ANO2: variants seen among roughly 807,000 people sequenced by gnomAD.
ANO2 encodes anoctamin 2.
In ANO2, 101 loss-of-function variants were observed where a neutral mutation model predicts 124.2. That is an observed-to-expected ratio of 0.81 (90% confidence interval 0.69 to 0.96). ANO2 has a LOEUF of 0.96. Ranked by LOEUF, ANO2 falls within the 40% of genes least tolerant of loss-of-function variation. The pLI, the probability that ANO2 is intolerant of heterozygous loss-of-function variation, is 0.00. For missense variants in ANO2, 1,293 were observed against 1,274.5 expected (o/e 1.01, Z -0.22); for synonymous variants, 486 against 482.5 (o/e 1.01, Z -0.09).
intron 4 of ANO2, among the ~76,000 whole-genome samples, chr12:5,836,005 T>G (rs1283003944): frequency 6.6e-6 from 1 of 152,204 alleles, no homozygotes; most frequent in African/African-American, 2.4e-5. Flanking sequence ...GTGCGGTAAT[T>G]AGTTTCAGAG....
chr12:5,728,531 T>C (rs907134502), intron 14 of ANO2, among the ~76,000 whole-genome samples: 3 of 152,194 alleles, frequency 2.0e-5, no homozygotes, highest in African/African-American at 7.2e-5. Flanking sequence ...ACCACATTCA[T>C]AGAAGACTTA....
At chr12:5,896,903 T>C (rs1023643675) in intron 3 of ANO2, among the ~76,000 whole-genome samples, 5 of 152,198 alleles carry the variant, frequency 3.3e-5, no homozygotes, top group African/African-American at 1.2e-4. Flanking sequence ...AGATAATCCA[T>C]AGTTTAAACT....
At chr12:5,732,843 C>G in intron 13 of ANO2, 1 of 1,613,838 alleles carries the variant, frequency 6.2e-7, no homozygotes, top group Non-Finnish European at 8.5e-7. Flanking sequence ...ACACAACACT[C>G]GTTATCACAC....
chr12:5,630,273 C>T (rs1002643859), intron 16 of ANO2, among the ~76,000 whole-genome samples: 13 of 152,202 alleles, frequency 8.5e-5, no homozygotes, highest in Admixed American at 2.0e-4. Flanking sequence ...GAATGGCAAA[C>T]GAAGTCTTAA....
At chr12:5,827,174 T>C (rs1565701567) in intron 7 of ANO2, among the ~76,000 whole-genome samples, 1 of 152,182 alleles carries the variant, frequency 6.6e-6, no homozygotes, top group African/African-American at 2.4e-5. Context: ...GCCTGCCTTA[T>C]ACTGCCTGCC....
At chr12:5,854,524 C>T (rs1955040508) in intron 3 of ANO2, among the ~76,000 whole-genome samples, 1 of 151,972 alleles carries the variant, frequency 6.6e-6, no homozygotes, top group South Asian at 2.1e-4. Context: ...TTGCACTGCT[C>T]ACACTCAGTG....
chr12:5,656,627 T>C (rs2136966420), intron 14 of ANO2, among the ~76,000 whole-genome samples: 1 of 152,334 alleles, frequency 6.6e-6, no homozygotes, highest in Non-Finnish European at 1.5e-5. Context: ...CTTCATGAAC[T>C]GTCAGTTCCA....
At chr12:5,800,344 A>G (rs1445123911) in intron 9 of ANO2, among the ~76,000 whole-genome samples, 1 of 152,224 alleles carries the variant, frequency 6.6e-6, no homozygotes, top group East Asian at 1.9e-4. Context: ...AAATCTTTGT[A>G]TCAACACTGG....
At chr12:5,875,529 G>C (rs1938034555) in intron 3 of ANO2, among the ~76,000 whole-genome samples, 1 of 152,226 alleles carries the variant, frequency 6.6e-6, no homozygotes. Context: ...CCAAGGACTG[G>C]GATCAACCAA....
chr12:5,567,631 A>G (rs6489641), intron 23 of ANO2, among the ~76,000 whole-genome samples: 148,412 of 152,328 alleles, frequency 0.97, 72,415 homozygotes, highest in East Asian at 1. Flanking sequence ...CACTGACCTC[A>G]GTATGCGAGC....
chr12:5,618,995 A>G (rs533797484), intron 16 of ANO2, among the ~76,000 whole-genome samples: 46 of 152,240 alleles, frequency 3.0e-4, no homozygotes, highest in Admixed American at 1.1e-3. Context: ...ACTGTCTTCA[A>G]TATTAGGAGA....
chr12:5,810,549 C>A (rs980800040), intron 7 of ANO2, among the ~76,000 whole-genome samples: 24 of 152,160 alleles, frequency 1.6e-4, no homozygotes, highest in African/African-American at 5.6e-4. Flanking sequence ...CAGCTCTCGA[C>A]CCAGGGAGAG....
At chr12:5,640,090 T>C (rs950667914) in intron 15 of ANO2, among the ~76,000 whole-genome samples, 4 of 152,078 alleles carry the variant, frequency 2.6e-5, no homozygotes, top group African/African-American at 9.7e-5. Context: ...GGAGAGGAAA[T>C]TCGTCTTTGT....
At chr12:5,683,328 C>A (rs1243183337) in intron 14 of ANO2, among the ~76,000 whole-genome samples, 5 of 152,116 alleles carry the variant, frequency 3.3e-5, no homozygotes, top group Non-Finnish European at 5.9e-5. Context: ...CCATCAAAAG[C>A]AGGGATGAAG....
chr12:5,807,464 C>G (rs572022468), intron 7 of ANO2, 96 bp from the exon 8 acceptor site: 21 of 1,057,010 alleles, frequency 2.0e-5, no homozygotes, highest in African/African-American at 9.5e-5. Context: ...CATGCCCCCC[C>G]AGTTGAGAAT....
chr12:5,673,399 T>G (rs1358731404), intron 14 of ANO2, among the ~76,000 whole-genome samples: 2 of 152,214 alleles, frequency 1.3e-5, no homozygotes, highest in African/African-American at 4.8e-5. Flanking sequence ...TTGGCAGGCC[T>G]CTGGGAAGCA....
chr12:5,894,165 T>C (rs1345665819), intron 3 of ANO2, among the ~76,000 whole-genome samples: 1 of 152,200 alleles, frequency 6.6e-6, no homozygotes, highest in Non-Finnish European at 1.5e-5. Context: ...TTCCTGACTT[T>C]TTAATAATCA....
chr12:5,804,852 A>G (rs1184679457), intron 9 of ANO2, among the ~76,000 whole-genome samples: 2 of 152,086 alleles, frequency 1.3e-5, no homozygotes, highest in African/African-American at 2.4e-5. Context: ...TAATGATCCT[A>G]GACAGGCTGG....
intron 14 of ANO2, among the ~76,000 whole-genome samples, chr12:5,710,680 G>A (rs898960733): frequency 2.0e-5 from 3 of 152,122 alleles, no homozygotes; most frequent in South Asian, 2.1e-4. Context: ...CACACAGTAG[G>A]GCCACATGAA....
Sources: allele counts gnomAD v4.1 joint callset (sites outside exome capture counted in the v4.1 genomes callset), GRCh38; gene constraint gnomAD v4.1.1; transcripts MANE v1.5; gene names NCBI Gene and HGNC (gene_info 2026-07-23, HGNC 2026-07-21).